The following PROZ variants were observed in gnomAD, a reference collection of about 807,000 sequenced individuals.
The protein encoded by PROZ is protein Z, vitamin K dependent plasma glycoprotein, also known as vitamin K-dependent protein Z.
A neutral mutation model predicts 34.9 loss-of-function variants in PROZ; 46 were observed. The observed-to-expected ratio is 1.32, with a 90% confidence interval of 1.04 to 1.69. PROZ has a LOEUF of 1.69. Among genes scored for constraint, PROZ ranks in the 40% most tolerant of loss-of-function variants. The pLI, the probability that PROZ is intolerant of heterozygous loss-of-function variation, is 0.00. For missense variants in PROZ, 530 were observed against 520.4 expected, an observed-to-expected ratio of 1.02 and a Z score of -0.18; for synonymous variants, 195 against 208.5, an observed-to-expected ratio of 0.94 and a Z score of 0.56.
At position 113,165,112 on chromosome 13, in the gene PROZ, C is replaced by T. The variant is rs1261129357; in HGVS notation, c.565C>T (p.Pro189Ser). The T allele has an allele frequency of 6.2e-7, 1 of 1,611,816 alleles. No individual in the cohort carries two copies. The highest frequency in any genetic ancestry group is 1.3e-5 in the African/African-American group (1 of 75,050). ...EKRAPDLQDL[P>S]WQVKLTNSEG... ...GCGTGCACCGGATCTACAGGACCTC[C>T]CGTGGCAGGTAACAGAGCGCTCTCC... Residue 189 changes from proline (P) to serine (S), a missense_variant, in exon 6 of 8, where the codon CCG becomes TCG. Physicochemically the swap from Pro to Ser is moderately conservative, Grantham distance 74 (BLOSUM62 -1). Transcript: ENST00000375547.
In PROZ at chr13:113,170,335, T is replaced by C; in HGVS notation, c.574-78T>C. 7 of 880,994 alleles carry C rather than the reference T, an allele frequency of 7.9e-6. No individual in the cohort carries two copies. In the South Asian group the frequency reaches 9.2e-5, roughly 12 times the overall value. The allele number at this position is 880,994 out of a possible 1,614,324, so 54.6% of individuals were successfully genotyped here. On this transcript the variant is annotated intron_variant, in intron 6 of 7. Coordinates refer to ENST00000375547, the MANE Select transcript of PROZ (RefSeq NM_003891.3). ...GGTGGGGGTGGGGGGGTGGTCCATA[T>C]CCCTATCCAGTAGACTTTACTGCCC...
At chr13:113,161,474 G>C (rs1038308627) in intron 3 of PROZ, among the ~76,000 whole-genome samples, 3 of 152,282 alleles carry the variant, frequency 2.0e-5, no homozygotes, top group Admixed American at 6.5e-5. Context: ...GGGAGGCCAG[G>C]GTAAGGACCC....
intron 6 of PROZ, among the ~76,000 whole-genome samples, chr13:113,165,797 C>T (rs561098096): frequency 6.6e-6 from 1 of 152,342 alleles, no homozygotes; most frequent in African/African-American, 2.4e-5. Context: ...TCCCAAAGTG[C>T]TGGGATTACA....
Position 113,160,107 on chromosome 13 carries a change from A to T in PROZ, c.164A>T (p.Glu55Val). 1 of 1,614,136 alleles carries T rather than the reference A, an allele frequency of 6.2e-7. No homozygotes were observed. Among genetic ancestry groups the T allele is most frequent in the Non-Finnish European group, 8.5e-7 (1 of 1,180,012 alleles). The change falls in exon 2 of 8, where the codon GAA becomes GTA. Residue 55 changes from glutamate (E) to valine (V), a missense_variant. Transcript: ENST00000375547. Reference sequence around the variant, plus strand: ...GAAGAACTCTTCGAGGGAAACTTGGAAAAAGAATGTTATGAAGAAATCTGT... The same window carrying T: ...GAAGAACTCTTCGAGGGAAACTTGGTAAAAGAATGTTATGAAGAAATCTGT... ...LLEELFEGNLEKECYEEICVY... is the reference protein window; with the variant it reads ...LLEELFEGNLVKECYEEICVY...
At position 113,171,606 on chromosome 13, in the gene PROZ, C is replaced by T. The variant is rs780949751; in HGVS notation, c.704C>T (p.Thr235Met). 3.3e-5 allele frequency: 54 copies of T among 1,614,084 alleles called. No homozygotes were observed. Among genetic ancestry groups the T allele is most frequent in the Non-Finnish European group, 4.3e-5 (51 of 1,180,036 alleles). ...NITVKTYFNRTSQDPLMIKIT... is the reference protein window; with the variant it reads ...NITVKTYFNRMSQDPLMIKIT... ...TTCATGATTTCAGATTTTAACAGAA[C>T]GAGCCAAGACCCGCTGATGATCAAG... is the stretch of plus-strand genomic sequence containing the variant. Residue 235 changes from threonine to methionine, a missense_variant, in exon 8 of 8, where the codon ACG becomes ATG. Thr to Met is a moderately conservative substitution (Grantham distance 81, BLOSUM62 -1). Coordinates refer to ENST00000375547, the MANE Select transcript of PROZ (RefSeq NM_003891.3). The surrounding 1 kb of genome is among the most constrained non-coding windows in gnomAD (Gnocchi z 5.1).
chr13:113,162,899 CTCCA>C (rs2036786934), intron 3 of PROZ, 106 bp from the exon 4 acceptor site: 1 of 565,318 alleles, frequency 1.8e-6, no homozygotes, highest in Admixed American at 2.5e-5. Flanking sequence ...CCACCCCCCA[CTCCA>C]TCCTCCTCCT....
At chr13:113,166,693 AC>A (rs1218266749) in intron 6 of PROZ, among the ~76,000 whole-genome samples, 2 of 152,140 alleles carry the variant, frequency 1.3e-5, no homozygotes, top group African/African-American at 4.8e-5. Flanking sequence ...ATCTTTTATC[AC>A]TTTTCCTGCC....
At position 113,161,763 on chromosome 13, in the gene PROZ, C is replaced by T. The variant is rs1294785114; in HGVS notation, c.259+791C>T. 9.9e-5 allele frequency among the ~76,000 whole-genome samples: 15 copies of T among 151,068 alleles called. 1 individual carries two copies. The East Asian group carries it at 1.8e-3, about 18-fold the overall frequency. On this transcript the variant is annotated intron_variant, in intron 3 of 7. Transcript: ENST00000375547. The stretch of plus-strand genomic sequence containing the variant: ...CCATTCCTGCCACCCCCTGCCCCCC[C>T]GTCCTCCTCCTGCTCAGGTCCCCGT...
rs1443130880 is a variant in PROZ, at chr13:113,159,392, G to GC, written c.71-615dup. 2.6e-5 allele frequency: 25 copies of GC among 975,466 alleles called. No homozygotes were observed. The highest frequency in any genetic ancestry group is 9.1e-5 in the South Asian group (6 of 65,734). 60.4% of individuals were successfully genotyped at this position (975,466 alleles called of 1,614,324 possible). A position where few individuals can be genotyped will look rare whatever the true frequency, so the allele number is the denominator to read the frequency against. On this transcript the variant is annotated intron_variant, in intron 1 of 7. Transcript: ENST00000375547. This position sits in a 1 kb window ranked among gnomAD's most constrained non-coding sequence, Gnocchi z 4.6. ...ACTTACCGTAGCCGGACTTAGCTGA[G>GC]CCCCCCCTGCTGTAACCCTCAGCAC...
rs779926366 is a variant in PROZ, at chr13:113,171,851, C to T, written c.949C>T (p.Arg317Trp). The T allele has an allele frequency of 5.0e-6, 8 of 1,613,654 alleles. No homozygotes were observed. The highest frequency in any genetic ancestry group is 3.3e-5 in the Admixed American group (2 of 60,032). ...GTDLGNSLTTRPVTLVEGEEC... is the reference protein window; with the variant it reads ...GTDLGNSLTTWPVTLVEGEEC... ...TGACCTGGGCAACTCGCTGACCACG[C>T]GGCCTGTCACACTTGTGGAGGGGGA... The change falls in exon 8 of 8, where the codon CGG (arginine) becomes TGG (tryptophan). Residue 317 changes from arginine (R) to tryptophan (W), a missense_variant. By Grantham distance (101) the Arg-to-Trp change is moderately radical (BLOSUM62 -3). Transcript: ENST00000375547. The surrounding 1 kb of genome is among the most constrained non-coding windows in gnomAD (Gnocchi z 5.1).
Position 113,172,164 on chromosome 13 carries a change from CTGCCACTGTGGA to C in PROZ, c.*60_*71del. ...CCGGAAGCGGGATTCCAAGCTGGCA[CTGCCACTGTGGA>C]GGGCGCTGAAACTTCATCACACACT... is the stretch of plus-strand genomic sequence containing the variant. On this transcript the variant is annotated 3_prime_UTR_variant, in exon 8 of 8. Coordinates refer to ENST00000375547, the MANE Select transcript of PROZ (RefSeq NM_003891.3). 1 of 1,592,044 alleles carries C rather than the reference CTGCCACTGTGGA, an allele frequency of 6.3e-7. No individual in the cohort carries two copies. Among genetic ancestry groups the C allele is most frequent in the South Asian group, 1.1e-5 (1 of 88,988 alleles).
chr13:113,171,546 C>T lies in PROZ; in HGVS notation c.692-48C>T. The T allele has an allele frequency of 6.2e-7, 1 of 1,612,456 alleles. No individual in the cohort carries two copies. The highest frequency in any genetic ancestry group is 8.5e-7 in the Non-Finnish European group (1 of 1,179,480). On this transcript the variant is annotated intron_variant, in intron 7 of 7. Transcript: ENST00000375547. This position sits in a 1 kb window ranked among gnomAD's most constrained non-coding sequence, Gnocchi z 5.1. ...GAGAAGCTCGTTTGAGCATTATGTCCCCTTGAAAATCAGACTGTAAAGAAC... is the reference window on the plus strand; with the variant it reads ...GAGAAGCTCGTTTGAGCATTATGTCTCCTTGAAAATCAGACTGTAAAGAAC...
intron 3 of PROZ, 110 bp downstream of exon 3, chr13:113,161,082 T>A (rs965524701): frequency 5.1e-6 from 5 of 984,024 alleles, no homozygotes; most frequent in Non-Finnish European, 6.6e-6. Context: ...AGCCTCTGGC[T>A]CCAGGACCCA....
Position 113,171,703 on chromosome 13 carries a change from G to A in PROZ, c.801G>A (p.Leu267=), listed in dbSNP as rs775757846. 3 of 1,613,744 alleles carry A rather than the reference G, an allele frequency of 1.9e-6. No individual in the cohort carries two copies. The highest frequency in any genetic ancestry group is 2.7e-5 in the African/African-American group (2 of 75,072). The change falls in exon 8 of 8, where the codon CTG becomes CTA. Residue 267 remains leucine (L), a synonymous_variant. Coordinates refer to ENST00000375547, the MANE Select transcript of PROZ (RefSeq NM_003891.3). The surrounding 1 kb of genome is among the most constrained non-coding windows in gnomAD (Gnocchi z 5.1). ...AGAATGACCTGTCACTGCTGGAGCT[G>A]GAGTGGCCCATCCAGTGCCCAGGTG... is the stretch of plus-strand genomic sequence containing the variant. ...AGENDLSLLE[L]EWPIQCPGAG...
chr13:113,167,537 A>C (rs1281628678), intron 6 of PROZ, among the ~76,000 whole-genome samples: 2 of 152,266 alleles, frequency 1.3e-5, no homozygotes, highest in East Asian at 3.9e-4. Flanking sequence ...ATCCCTGGTA[A>C]TATTATTTGC....
At chr13:113,160,525 G>A (rs774486027) in intron 2 of PROZ, among the ~76,000 whole-genome samples, 5 of 152,088 alleles carry the variant, frequency 3.3e-5, no homozygotes, top group African/African-American at 7.2e-5. Flanking sequence ...CAAACTAAGT[G>A]TCCCCACTCC....
intron 5 of PROZ, 132 bp downstream of exon 5, chr13:113,164,776 C>T (rs1289893512): frequency 1.8e-5 from 25 of 1,382,138 alleles, no homozygotes; most frequent in East Asian, 2.5e-5. Context: ...GAAGGTGGTC[C>T]GCGTCTCCAC....
intron 6 of PROZ, among the ~76,000 whole-genome samples, chr13:113,168,391 GTTCATC>G (rs2138601236): frequency 6.6e-6 from 1 of 152,248 alleles, no homozygotes; most frequent in South Asian, 2.1e-4. Flanking sequence ...AGGAGTCTTT[GTTCATC>G]TTCATCTATG....
At chr13:113,163,817 T>C (rs571086755) in intron 4 of PROZ, among the ~76,000 whole-genome samples, 1 of 151,472 alleles carries the variant, frequency 6.6e-6, no homozygotes, top group African/African-American at 2.4e-5. Flanking sequence ...CCACCACCGA[T>C]GTCACACTAA....
Sources: allele counts gnomAD v4.1 joint callset (sites outside exome capture counted in the v4.1 genomes callset), GRCh38; gene constraint gnomAD v4.1.1; non-coding constraint Gnocchi (gnomAD v3.1); transcripts MANE v1.5; gene names NCBI Gene and HGNC (gene_info 2026-07-23, HGNC 2026-07-21).